The following FAM174A variants were observed in gnomAD, a reference collection of about 807,000 sequenced individuals.
The protein encoded by FAM174A is family with sequence similarity 174 member A.
Under a neutral mutation model 14.3 loss-of-function variants are expected in FAM174A, and 14 were observed. The ratio of observed to expected loss-of-function variants is 0.98; its 90% CI spans 0.65 to 1.53. The LOEUF is 1.53. Among genes scored for constraint, FAM174A ranks in the 40% most tolerant of loss-of-function variants. The probability of loss-of-function intolerance (pLI) is 0.00; values close to 1 mark genes in which losing one functional copy is unlikely to be tolerated. For missense variants in FAM174A, 241 were observed against 249.6 expected (o/e 0.97, Z 0.23); for synonymous variants, 108 against 111.4 (o/e 0.97, Z 0.19).
intron 2 of FAM174A, among the ~76,000 whole-genome samples, chr5:100,575,320 T>C (rs1201053726): frequency 6.6e-6 from 1 of 152,100 alleles, no homozygotes; most frequent in South Asian, 2.1e-4. Context: ...GTTACATATG[T>C]ATACATATGC....
chr5:100,576,234 A>C (rs567474506), intron 2 of FAM174A, among the ~76,000 whole-genome samples: 5 of 152,298 alleles, frequency 3.3e-5, no homozygotes, highest in African/African-American at 1.2e-4. Context: ...GTTTAATATA[A>C]ATTTCCTAAA....
At chr5:100,551,795 G>A (rs1389398110) in intron 1 of FAM174A, among the ~76,000 whole-genome samples, 1 of 152,056 alleles carries the variant, frequency 6.6e-6, no homozygotes, top group Non-Finnish European at 1.5e-5. Flanking sequence ...TCTTTTTAAT[G>A]ATGTTTTCAT....
intron 1 of FAM174A, among the ~76,000 whole-genome samples, chr5:100,555,286 C>T (rs566732878): frequency 3.9e-5 from 6 of 151,902 alleles, no homozygotes; most frequent in African/African-American, 1.4e-4. Flanking sequence ...GCATAGTATT[C>T]CATGGTGTAT....
intron 1 of FAM174A, among the ~76,000 whole-genome samples, chr5:100,549,121 G>A (rs1314245352): frequency 2.0e-5 from 3 of 152,116 alleles, no homozygotes; most frequent in Non-Finnish European, 4.4e-5. Flanking sequence ...TGTAGATAGA[G>A]TCAGTGTAAG....
At chr5:100,552,469 A>G (rs1021415789) in intron 1 of FAM174A, among the ~76,000 whole-genome samples, 6 of 151,742 alleles carry the variant, frequency 4.0e-5, no homozygotes, top group Non-Finnish European at 4.4e-5. Flanking sequence ...ACAGATGCTT[A>G]GTTAAAAAAA....
rs112675245 is a variant in FAM174A at position 100,542,834 on chromosome 5, T to TTA, written c.434+6882_434+6883dup. ...TATAGTGAGATCCTGCTTATTATAT[T>TTA]TATATATATATATGTGTGTGTGTGT... On this transcript the variant is annotated intron_variant, in intron 1 of 2. Transcript: ENST00000312637. 4.4e-3 allele frequency among the ~76,000 whole-genome samples: 659 copies of TTA among 150,806 alleles called. 5 individuals carry two copies. The highest frequency in any genetic ancestry group is 0.024 in the Middle Eastern group (7 of 294).
chr5:100,563,833 A>G (rs1472097981), intron 2 of FAM174A, among the ~76,000 whole-genome samples: 1 of 151,926 alleles, frequency 6.6e-6, no homozygotes, highest in African/African-American at 2.4e-5. Flanking sequence ...CAATAACAGC[A>G]GGAAAACAGG....
intron 1 of FAM174A, among the ~76,000 whole-genome samples, chr5:100,546,362 GA>G (rs922340885): frequency 2.2e-4 from 33 of 152,232 alleles, no homozygotes; most frequent in African/African-American, 7.9e-4. Flanking sequence ...CCTACTATGG[GA>G]AGTGAGTAGG....
intron 2 of FAM174A, among the ~76,000 whole-genome samples, chr5:100,568,452 G>T (rs1047568653): frequency 6.6e-6 from 1 of 151,696 alleles, no homozygotes; most frequent in African/African-American, 2.4e-5. Context: ...TCCATTAAAT[G>T]TATGTATTTA....
chr5:100,566,002 A>G (rs1746636417), intron 2 of FAM174A, among the ~76,000 whole-genome samples: 1 of 147,494 alleles, frequency 6.8e-6, no homozygotes, highest in Admixed American at 6.7e-5. Flanking sequence ...GCATGGGAAA[A>G]ACTTGCCCCT....
At chr5:100,564,965 G>A (rs148747767) in intron 2 of FAM174A, among the ~76,000 whole-genome samples, 108 of 151,846 alleles carry the variant, frequency 7.1e-4, no homozygotes, top group Non-Finnish European at 9.3e-4. Context: ...ATTAATACTC[G>A]TCCTTCTCAA....
intron 2 of FAM174A, among the ~76,000 whole-genome samples, chr5:100,572,686 A>G (rs1172864787): frequency 6.6e-6 from 1 of 152,014 alleles, no homozygotes; most frequent in Non-Finnish European, 1.5e-5. Context: ...AGTCTTTGCT[A>G]TTGTGAATAA....
chr5:100,569,946 G>T (rs765055192), intron 2 of FAM174A, among the ~76,000 whole-genome samples: 3 of 151,784 alleles, frequency 2.0e-5, no homozygotes, highest in Non-Finnish European at 4.4e-5. Flanking sequence ...TCTTCTCTAA[G>T]CCAGATTTAC....
At chr5:100,580,499 G>A (rs1405994171) in intron 2 of FAM174A, among the ~76,000 whole-genome samples, 5 of 152,198 alleles carry the variant, frequency 3.3e-5, no homozygotes, top group African/African-American at 1.2e-4. Flanking sequence ...TCGACGACAG[G>A]AAGCATCCAG....
intron 1 of FAM174A, 152 bp from the exon 2 acceptor site, chr5:100,561,902 A>C: frequency 2.3e-6 from 1 of 434,740 alleles, no homozygotes. Flanking sequence ...CATGAAGTTT[A>C]ATCCTAGGTG....
chr5:100,567,211 CA>C (rs751007588), intron 2 of FAM174A, among the ~76,000 whole-genome samples: 39 of 151,722 alleles, frequency 2.6e-4, no homozygotes, highest in Non-Finnish European at 4.6e-4. Flanking sequence ...ATAAATAAGG[CA>C]AAACTTCTTT....
chr5:100,543,436 G>A (rs187598197), intron 1 of FAM174A, among the ~76,000 whole-genome samples: 1 of 152,298 alleles, frequency 6.6e-6, no homozygotes, highest in East Asian at 1.9e-4. Context: ...CATTTTGAGG[G>A]CTAAATAATC....
chr5:100,566,779 A>G (rs1746661560), intron 2 of FAM174A, among the ~76,000 whole-genome samples: 1 of 151,916 alleles, frequency 6.6e-6, no homozygotes, highest in Non-Finnish European at 1.5e-5. Context: ...AGAAATAAAA[A>G]GTTCATGAAA....
intron 2 of FAM174A, among the ~76,000 whole-genome samples, chr5:100,576,938 T>C (rs1048964317): frequency 6.6e-6 from 1 of 152,018 alleles, no homozygotes. Context: ...TGATGAGGAG[T>C]CAGAGGCCGC....
Sources: gnomAD v4.1 joint callset for allele counts (sites outside exome capture counted in the v4.1 genomes callset) on GRCh38, gnomAD v4.1.1 for gene constraint, MANE v1.5 for transcripts, NCBI Gene and HGNC (gene_info 2026-07-23, HGNC 2026-07-21) for gene names.